Variants in GAD2 observed in about 807,000 individuals in gnomAD.
GAD2 encodes the protein 65 kDa glutamic acid decarboxylase.
GAD2 carries 22 observed loss-of-function variants against 80.1 expected under a neutral mutation model. The observed-to-expected ratio is 0.27, with a 90% CI of 0.20 to 0.39. The LOEUF (loss-of-function observed/expected upper bound fraction) is 0.39. Ranked by LOEUF, GAD2 falls within the 10% of genes least tolerant of loss-of-function variation. The probability of loss-of-function intolerance (pLI) is 1.00; values close to 1 mark genes in which losing one functional copy is unlikely to be tolerated. For missense variants in GAD2, 624 were observed against 738.4 expected (o/e 0.85, Z 1.80); for synonymous variants, 274 against 256.9 (o/e 1.07, Z -0.64).
chr10:26,247,305 T>C lies in GAD2; in HGVS notation c.920+1305T>C, dbSNP rs2132288824. On this transcript the variant is annotated intron_variant, in intron 8 of 15. Transcript: ENST00000376261. ...AGTGAGGAGGATGACCAGAAGTCACTCTCGTGGCCATCTTGGTTTTGGTGG... is the reference window on the plus strand; with the variant it reads ...AGTGAGGAGGATGACCAGAAGTCACCCTCGTGGCCATCTTGGTTTTGGTGG... 1.3e-5 allele frequency among the ~76,000 whole-genome samples: 2 copies of C among 152,288 alleles called. 1 individual carries two copies. Among genetic ancestry groups the C allele is most frequent in the African/African-American group, 4.8e-5 (2 of 41,554 alleles).
chr10:26,290,791 G>T (rs1026909610), intron 13 of GAD2, among the ~76,000 whole-genome samples: 2 of 152,132 alleles, frequency 1.3e-5, no homozygotes, highest in South Asian at 4.1e-4. Flanking sequence ...ATGAATGAAA[G>T]AATTTTGAAG....
chr10:26,245,130 G>A (rs1305685461), intron 7 of GAD2, among the ~76,000 whole-genome samples: 9 of 147,350 alleles, frequency 6.1e-5, no homozygotes, highest in Non-Finnish European at 1.0e-4. Context: ...GCCAGCCTGG[G>A]CGACAAGAGC....
intron 12 of GAD2, 106 bp from the exon 13 acceptor site, chr10:26,286,239 C>T (rs1414356118): frequency 2.0e-6 from 2 of 991,866 alleles, no homozygotes; most frequent in South Asian, 1.6e-5. Flanking sequence ...TTTTCTTTCT[C>T]TAAGATATGC....
Position 26,217,922 on chromosome 10 carries a change from T to G in GAD2, c.217T>G (p.Cys73Gly). Reference sequence around the variant, plus strand: ...GCGGGCCGCCGCCCGGAAGGCCGCCTGCGCCTGCGACCAGAAGCCCTGCAG... The same window carrying G: ...GCGGGCCGCCGCCCGGAAGGCCGCCGGCGCCTGCGACCAGAAGCCCTGCAG... Reference protein sequence around the residue: ...PPRAAARKAACACDQKPCSCS... With the variant: ...PPRAAARKAAGACDQKPCSCS... Residue 73 changes from cysteine to glycine, a missense_variant, in exon 3 of 16, where the codon TGC (cysteine) becomes GGC (glycine). Coordinates refer to ENST00000376261, the MANE Select transcript of GAD2 (RefSeq NM_001134366.2). This position sits in a 1 kb window ranked among gnomAD's most constrained non-coding sequence, Gnocchi z 4.9. The G allele has an allele frequency of 6.2e-7, 1 of 1,611,440 alleles. No individual in the cohort carries two copies. The highest frequency in any genetic ancestry group is 8.5e-7 in the Non-Finnish European group (1 of 1,179,120).
rs1218872464 is a variant in GAD2, at chr10:26,293,098, A to C, written c.1584+107A>C. The C allele has an allele frequency of 4.9e-6, 4 of 824,298 alleles. No individual in the cohort carries two copies. In the African/African-American group the frequency reaches 6.8e-5, roughly 14 times the overall value. 51.1% of individuals were successfully genotyped at this position (824,298 alleles called of 1,614,324 possible). On this transcript the variant is annotated intron_variant, in intron 15 of 15. Transcript: ENST00000376261. ...CTTAGGAGACAGCCTACCTGGGTAC[A>C]TGGGCCCATTCCCGTCTGTGGACTC...
intron 15 of GAD2, among the ~76,000 whole-genome samples, chr10:26,293,397 C>T (rs1379168993): frequency 2.6e-5 from 4 of 151,930 alleles, no homozygotes; most frequent in South Asian, 2.1e-4. Context: ...AGGCTGGTCT[C>T]GAACTCCTGA....
chr10:26,280,249 C>G (rs534005994), intron 11 of GAD2, among the ~76,000 whole-genome samples: 160 of 152,212 alleles, frequency 1.1e-3, no homozygotes, highest in Non-Finnish European at 1.9e-3. Context: ...AAAACTGAGA[C>G]AGGTCTCAGT....
chr10:26,249,956 G>A (rs1366470819), intron 8 of GAD2, among the ~76,000 whole-genome samples: 1 of 152,088 alleles, frequency 6.6e-6, no homozygotes, highest in Non-Finnish European at 1.5e-5. Context: ...ATGCTGGAGA[G>A]CCGGCGGGAC....
intron 5 of GAD2, among the ~76,000 whole-genome samples, chr10:26,224,191 A>G (rs1404680847): frequency 2.0e-5 from 3 of 152,146 alleles, no homozygotes; most frequent in Non-Finnish European, 4.4e-5. Context: ...AAAATACAAA[A>G]GAGACTTTTT....
At position 26,256,002 on chromosome 10, in the gene GAD2, G is replaced by A. The variant is rs1465658516; in HGVS notation, c.920+10002G>A. Among the ~76,000 whole-genome samples, 3 of 151,930 alleles carry A rather than the reference G, an allele frequency of 2.0e-5. No homozygotes were observed. The East Asian group carries it at 5.8e-4, about 29-fold the overall frequency. Reference sequence around the variant, plus strand: ...TTTCAAATCAGACACCCTTAGAGTTGGAAAGGTGCTCAGACCTTAGCTCAT... The same window carrying A: ...TTTCAAATCAGACACCCTTAGAGTTAGAAAGGTGCTCAGACCTTAGCTCAT... On this transcript the variant is annotated intron_variant, in intron 8 of 15. Transcript: ENST00000376261.
intron 8 of GAD2, among the ~76,000 whole-genome samples, chr10:26,259,869 A>G (rs8190690): frequency 0.013 from 2,013 of 152,230 alleles, 20 homozygotes; most frequent in Middle Eastern, 0.024. Context: ...ATGTATTTTG[A>G]GTTAATTTGT....
intron 7 of GAD2, among the ~76,000 whole-genome samples, chr10:26,242,802 GACT>G (rs1482857067): frequency 1.3e-5 from 2 of 152,154 alleles, no homozygotes; most frequent in Non-Finnish European, 2.9e-5. Flanking sequence ...TCTCATTAAA[GACT>G]AGACAAGAAT....
At chr10:26,271,561 C>T (rs1031620974) in intron 10 of GAD2, among the ~76,000 whole-genome samples, 2 of 152,144 alleles carry the variant, frequency 1.3e-5, no homozygotes, top group East Asian at 1.9e-4. Context: ...ACAAACTAAG[C>T]GCAATGCTTG....
intron 7 of GAD2, among the ~76,000 whole-genome samples, chr10:26,237,730 G>C (rs919935940): frequency 1.3e-5 from 2 of 151,986 alleles, no homozygotes; most frequent in Non-Finnish European, 2.9e-5. Context: ...TGAATTAGCC[G>C]GGTGCAGTGG....
intron 15 of GAD2, among the ~76,000 whole-genome samples, chr10:26,300,186 T>C (rs760834301): frequency 1.3e-5 from 2 of 152,234 alleles, no homozygotes; most frequent in Non-Finnish European, 2.9e-5. Flanking sequence ...CTATCCTGTC[T>C]GTGATATGAA....
At position 26,219,204 on chromosome 10, in the gene GAD2, G is replaced by T; in HGVS notation, c.448G>T (p.Ala150Ser). 1 of 1,613,550 alleles carries T rather than the reference G, an allele frequency of 6.2e-7. No homozygotes were observed. Among genetic ancestry groups the T allele is most frequent in the South Asian group, 1.1e-5 (1 of 90,836 alleles). ...TCTCCAAGAATATAATTGGGAATTG[G>T]CAGACCAACCACAAAATTTGGAGGA... ...ELLQEYNWEL[A>S]DQPQNLEEIL... is the part of the protein sequence containing the mutation. Residue 150 changes from alanine to serine, a missense_variant, in exon 4 of 16, where the codon GCA becomes TCA. Ala to Ser is a moderately conservative substitution (Grantham distance 99). Transcript: ENST00000376261.
rs1048805587 is a variant in GAD2, at chr10:26,303,563, C to T, written c.*2602C>T. On this transcript the variant is annotated 3_prime_UTR_variant, in exon 16 of 16. Transcript: ENST00000376261. ...TAGCCCAAATTCCCAGTGCCATGGT[C>T]TTTATGTGTGCCCATTCTTTACAAA... is the stretch of plus-strand genomic sequence containing the variant. 6.6e-6 allele frequency: 1 copy of T among 151,290 alleles called. No homozygotes were observed. The highest frequency in any genetic ancestry group is 1.5e-5 in the Non-Finnish European group (1 of 67,814). 9.4% of individuals were successfully genotyped at this position (151,290 alleles called of 1,614,324 possible). A position where few individuals can be genotyped will look rare whatever the true frequency, so the allele number is the denominator to read the frequency against.
chr10:26,286,242 A>C (rs971332967), intron 12 of GAD2, 103 bp from the exon 13 acceptor site: 1 of 1,011,488 alleles, frequency 9.9e-7, no homozygotes, highest in African/African-American at 1.7e-5. Context: ...TCTTTCTCTA[A>C]GATATGCAAT....
At chr10:26,267,220 C>G (rs1184138327) in intron 8 of GAD2, among the ~76,000 whole-genome samples, 1 of 152,196 alleles carries the variant, frequency 6.6e-6, no homozygotes, top group African/African-American at 2.4e-5. Flanking sequence ...AAAAAAATTT[C>G]TAAGAGTTCT....
Sources: gnomAD v4.1 joint callset for allele counts (sites outside exome capture counted in the v4.1 genomes callset) on GRCh38, gnomAD v4.1.1 for gene constraint, Gnocchi (gnomAD v3.1) non-coding constraint, MANE v1.5 for transcripts, NCBI Gene and HGNC (gene_info 2026-07-23, HGNC 2026-07-21) for gene names.